Variants in GPC6 observed in about 807,000 individuals in gnomAD.
GPC6 encodes glypican 6.
GPC6 carries 14 observed loss-of-function variants against 55.2 expected under a neutral mutation model. That is an observed-to-expected ratio of 0.25 (90% CI 0.17 to 0.40). The LOEUF is 0.40. GPC6 is among the 10% of genes least tolerant of loss of function. The pLI, the probability that GPC6 is intolerant of heterozygous loss-of-function variation, is 1.00. For synonymous variants in GPC6, 278 were observed against 259.6 expected (o/e 1.07, Z -0.68); for missense variants, 641 against 708.5 (o/e 0.90, Z 1.08).
intron 4 of GPC6, among the ~76,000 whole-genome samples, chr13:94,210,082 A>C (rs906267435): frequency 6.6e-6 from 1 of 151,974 alleles, no homozygotes; most frequent in Non-Finnish European, 1.5e-5. Context: ...TCCTGGTATC[A>C]AGCAATCCTC....
chr13:93,651,322 T>G (rs1412440896), intron 2 of GPC6, among the ~76,000 whole-genome samples: 1 of 152,100 alleles, frequency 6.6e-6, no homozygotes, highest in Non-Finnish European at 1.5e-5. Context: ...AAAATTTGCT[T>G]TGTACAACTT....
At chr13:93,861,310 A>G (rs1888802799) in intron 3 of GPC6, among the ~76,000 whole-genome samples, 2 of 151,542 alleles carry the variant, frequency 1.3e-5, no homozygotes, top group Non-Finnish European at 3.0e-5. Flanking sequence ...GTGAATATAA[A>G]TGAATAAGAC....
At chr13:93,921,334 CTCTGCTG>C (rs1877558456) in intron 3 of GPC6, among the ~76,000 whole-genome samples, 1 of 152,190 alleles carries the variant, frequency 6.6e-6, no homozygotes, top group Non-Finnish European at 1.5e-5. Flanking sequence ...GCTCCTTTAT[CTCTGCTG>C]TCTGCTGACG....
At chr13:94,158,972 C>T (rs9589918) in intron 4 of GPC6, among the ~76,000 whole-genome samples, 38,821 of 152,016 alleles carry the variant, frequency 0.26, 5,327 homozygotes, top group African/African-American at 0.34. Context: ...TGTTCCCTAA[C>T]CCAGTACCAC....
intron 4 of GPC6, among the ~76,000 whole-genome samples, chr13:94,029,217 A>G (rs1594678607): frequency 6.6e-6 from 1 of 152,364 alleles, no homozygotes; most frequent in East Asian, 1.9e-4. Flanking sequence ...CATTTTGCTT[A>G]GAAAGGCCAG....
chr13:93,822,680 A>C (rs974668397), intron 2 of GPC6, among the ~76,000 whole-genome samples: 1 of 148,502 alleles, frequency 6.7e-6, no homozygotes, highest in African/African-American at 2.5e-5. Flanking sequence ...CCCACTTATG[A>C]GTGTGAACAT....
intron 2 of GPC6, among the ~76,000 whole-genome samples, chr13:93,664,620 T>C (rs1334192591): frequency 1.3e-5 from 2 of 151,704 alleles, no homozygotes; most frequent in African/African-American, 4.8e-5. Flanking sequence ...GCCAATTTTG[T>C]TTGTTTGTTT....
At chr13:93,858,000 C>T (rs1054910185) in intron 3 of GPC6, among the ~76,000 whole-genome samples, 13 of 151,378 alleles carry the variant, frequency 8.6e-5, no homozygotes. Flanking sequence ...TTGCTGCTAA[C>T]ATACATTAAT....
intron 4 of GPC6, among the ~76,000 whole-genome samples, chr13:94,279,637 GCTGT>G (rs971096283): frequency 1.3e-5 from 2 of 152,002 alleles, no homozygotes; most frequent in Non-Finnish European, 2.9e-5. Flanking sequence ...ATTCTCGTAT[GCTGT>G]CTGTTTATTC....
intron 3 of GPC6, among the ~76,000 whole-genome samples, chr13:93,833,438 A>G (rs1167045236): frequency 6.6e-6 from 1 of 152,210 alleles, no homozygotes; most frequent in African/African-American, 2.4e-5. Flanking sequence ...ATAAACCTGA[A>G]GCCTCTTTAT....
chr13:93,329,907 A>G (rs918713474), intron 1 of GPC6, among the ~76,000 whole-genome samples: 1 of 152,198 alleles, frequency 6.6e-6, no homozygotes, highest in African/African-American at 2.4e-5. Context: ...GAAATTATAA[A>G]TAAATACATT....
chr13:93,817,967 T>G (rs1488420087), intron 2 of GPC6, among the ~76,000 whole-genome samples: 1 of 147,854 alleles, frequency 6.8e-6, no homozygotes, highest in Non-Finnish European at 1.5e-5. Context: ...ATATATATAA[T>G]ACATAAATAT....
chr13:93,989,640 C>T (rs9524302), intron 3 of GPC6, among the ~76,000 whole-genome samples: 19,533 of 152,102 alleles, frequency 0.13, 1,490 homozygotes, highest in East Asian at 0.26. Flanking sequence ...TGCTATGCTG[C>T]CATCAAGCAG....
At chr13:93,596,615 ATAT>A (rs1566441984) in intron 2 of GPC6, among the ~76,000 whole-genome samples, 3,665 of 135,110 alleles carry the variant, frequency 0.027, 152 homozygotes, top group African/African-American at 0.1. Flanking sequence ...AAATAAATAT[ATAT>A]ATATATATAT....
In GPC6 at chr13:93,758,268, A is replaced by G. The variant is rs12323273; in HGVS notation, c.320-71886A>G. Reference sequence around the variant, plus strand: ...ACAGGGCAGCTGTCTGAGGTGCAACAGTTCACAGTAGAGGGAGAGGAAGTT... The same window carrying G: ...ACAGGGCAGCTGTCTGAGGTGCAACGGTTCACAGTAGAGGGAGAGGAAGTT... On this transcript the variant is annotated intron_variant, in intron 2 of 8. Transcript: ENST00000377047. Among the ~76,000 whole-genome samples, 984 of 152,304 alleles carry G rather than the reference A, an allele frequency of 6.5e-3. 10 individuals are homozygous for G. The highest frequency in any genetic ancestry group is 0.023 in the African/African-American group (943 of 41,576).
chr13:93,776,901 C>A (rs1210539601), intron 2 of GPC6, among the ~76,000 whole-genome samples: 1 of 152,184 alleles, frequency 6.6e-6, no homozygotes, highest in Non-Finnish European at 1.5e-5. Flanking sequence ...CATCCTTCCA[C>A]CAAATAATGA....
At chr13:93,389,568 G>T (rs887132659) in intron 1 of GPC6, among the ~76,000 whole-genome samples, 1 of 151,298 alleles carries the variant, frequency 6.6e-6, no homozygotes, top group African/African-American at 2.4e-5. Flanking sequence ...CCATTTATAT[G>T]TATGTATGTA....
intron 1 of GPC6, among the ~76,000 whole-genome samples, chr13:93,375,722 C>T: frequency 6.6e-6 from 1 of 152,184 alleles, no homozygotes; most frequent in East Asian, 1.9e-4. Context: ...CCTGGCAGCT[C>T]TGCCTGCTTC....
chr13:94,259,622 A>G (rs560517163), intron 4 of GPC6, among the ~76,000 whole-genome samples: 5 of 152,314 alleles, frequency 3.3e-5, no homozygotes, highest in South Asian at 2.1e-4. Flanking sequence ...TTGTCCCAAC[A>G]GAAACTCCGT....
Sources: gnomAD v4.1 joint callset for allele counts (sites outside exome capture counted in the v4.1 genomes callset) on GRCh38, gnomAD v4.1.1 for gene constraint, MANE v1.5 for transcripts, NCBI Gene and HGNC (gene_info 2026-07-23, HGNC 2026-07-21) for gene names.